The following CTNNBL1 variants were observed in gnomAD, a reference collection of about 807,000 sequenced individuals.
CTNNBL1 encodes catenin beta like 1.
Under a neutral mutation model 72.7 loss-of-function variants are expected in CTNNBL1, and 31 were observed. That is an observed-to-expected ratio of 0.43 (90% confidence interval 0.32 to 0.58). CTNNBL1 has a LOEUF of 0.58. CTNNBL1 is among the 20% of genes least tolerant of loss of function. The pLI, the probability that CTNNBL1 is intolerant of heterozygous loss-of-function variation, is 0.08. For synonymous variants in CTNNBL1, 240 were observed against 267.3 expected, an observed-to-expected ratio of 0.90 and a Z score of 1.00; for missense variants, 534 against 725.1, an observed-to-expected ratio of 0.74 and a Z score of 3.03.
intron 1 of CTNNBL1, among the ~76,000 whole-genome samples, chr20:37,716,749 A>G (rs528774671): frequency 1.1e-4 from 16 of 152,326 alleles, no homozygotes; most frequent in African/African-American, 3.8e-4. Flanking sequence ...AAAGTATGTT[A>G]TATAATCTTG....
intron 4 of CTNNBL1, among the ~76,000 whole-genome samples, chr20:37,754,856 G>A (rs1600466058): frequency 6.6e-6 from 1 of 151,338 alleles, no homozygotes; most frequent in East Asian, 1.9e-4. Context: ...CACCCAGGCT[G>A]GAGTGCAGTG....
chr20:37,851,447 C>T (rs935172703), intron 13 of CTNNBL1, among the ~76,000 whole-genome samples: 7 of 152,134 alleles, frequency 4.6e-5, no homozygotes, highest in African/African-American at 1.4e-4. Context: ...GGTGACCTTA[C>T]ATTTTAATGC....
intron 4 of CTNNBL1, chr20:37,749,869 C>T (rs559315843): frequency 1.3e-4 from 20 of 152,234 alleles, no homozygotes; most frequent in South Asian, 8.3e-4. Context: ...CTTCAGGAAA[C>T]GGTTGTTAAC....
chr20:37,812,529 T>C (rs1269056354), intron 11 of CTNNBL1, among the ~76,000 whole-genome samples: 2 of 152,220 alleles, frequency 1.3e-5, no homozygotes, highest in African/African-American at 4.8e-5. Flanking sequence ...CGTCTTCAAA[T>C]AGGTACCAGA....
Position 37,845,777 on chromosome 20 carries a change from CTTGAA to C in CTNNBL1, c.1392+3365_1392+3369del, listed in dbSNP as rs144906977. On this transcript the variant is annotated intron_variant, in intron 13 of 15. Coordinates refer to ENST00000361383, the MANE Select transcript of CTNNBL1 (RefSeq NM_030877.5). ...TGGGAGCTTAGCAAATATTTGTCGA[CTTGAA>C]TTGAATGCTTATTTTTCAGGCATTT... Among the ~76,000 whole-genome samples, 1,234 of 152,296 alleles carry C rather than the reference CTTGAA, an allele frequency of 8.1e-3. 16 individuals carry two copies. The highest frequency in any genetic ancestry group is 0.028 in the African/African-American group (1,167 of 41,546).
At chr20:37,790,544 C>A (rs977608087) in intron 10 of CTNNBL1, among the ~76,000 whole-genome samples, 1 of 152,174 alleles carries the variant, frequency 6.6e-6, no homozygotes, top group African/African-American at 2.4e-5. Flanking sequence ...ACCATTCTCC[C>A]TTAGATGGAT....
At chr20:37,783,285 TA>T (rs1447909367) in intron 10 of CTNNBL1, among the ~76,000 whole-genome samples, 1 of 152,154 alleles carries the variant, frequency 6.6e-6, no homozygotes, top group Non-Finnish European at 1.5e-5. Context: ...GCTAAAGGTT[TA>T]TTGATTTTGT....
At chr20:37,720,353 G>A (rs1022408767) in intron 1 of CTNNBL1, among the ~76,000 whole-genome samples, 2 of 151,964 alleles carry the variant, frequency 1.3e-5, no homozygotes, top group African/African-American at 4.8e-5. Context: ...TAGACACAGG[G>A]TCTCACCGTT....
intron 11 of CTNNBL1, among the ~76,000 whole-genome samples, chr20:37,821,459 T>C (rs986515742): frequency 6.6e-6 from 1 of 152,234 alleles, no homozygotes; most frequent in Non-Finnish European, 1.5e-5. Context: ...AAATTATATA[T>C]TGAATCCTTA....
intron 3 of CTNNBL1, among the ~76,000 whole-genome samples, chr20:37,737,727 G>A (rs1206223243): frequency 1.3e-5 from 2 of 152,188 alleles, no homozygotes; most frequent in Admixed American, 6.5e-5. Context: ...GTGGCATCTG[G>A]AGAAATTCAG....
intron 3 of CTNNBL1, among the ~76,000 whole-genome samples, 192 bp from the exon 4 acceptor site, chr20:37,746,276 T>C (rs1188222051): frequency 4.6e-5 from 7 of 152,158 alleles, no homozygotes; most frequent in East Asian, 1.9e-4. Context: ...GAATCCAAGA[T>C]TGATTTTTGT....
chr20:37,778,424 C>T (rs915942632), intron 9 of CTNNBL1, among the ~76,000 whole-genome samples: 2 of 152,120 alleles, frequency 1.3e-5, no homozygotes, highest in Non-Finnish European at 2.9e-5. Flanking sequence ...AGTGTCTTGG[C>T]CTCCACCCCA....
At chr20:37,713,380 G>C (rs75760593) in intron 1 of CTNNBL1, among the ~76,000 whole-genome samples, 4,324 of 152,286 alleles carry the variant, frequency 0.028, 117 homozygotes, top group Non-Finnish European at 0.039. Flanking sequence ...CATTAGAGCA[G>C]AATGGAGACT....
chr20:37,799,490 G>A (rs1010974990), intron 10 of CTNNBL1, among the ~76,000 whole-genome samples: 1 of 152,090 alleles, frequency 6.6e-6, no homozygotes, highest in Non-Finnish European at 1.5e-5. Context: ...CTTGCTCTTC[G>A]TTCTCTGCCT....
chr20:37,790,701 A>G (rs1382870156), intron 10 of CTNNBL1, among the ~76,000 whole-genome samples: 2 of 152,222 alleles, frequency 1.3e-5, no homozygotes, highest in Non-Finnish European at 2.9e-5. Flanking sequence ...AATCAAGATT[A>G]CCGGGCAGGA....
chr20:37,699,235 A>T (rs2072819266), intron 1 of CTNNBL1, among the ~76,000 whole-genome samples: 1 of 152,228 alleles, frequency 6.6e-6, no homozygotes, highest in Non-Finnish European at 1.5e-5. Context: ...ACCTTAAGGC[A>T]TCTAGCTAGG....
intron 1 of CTNNBL1, among the ~76,000 whole-genome samples, chr20:37,705,441 C>T (rs940025657): frequency 1.3e-5 from 2 of 152,164 alleles, no homozygotes; most frequent in East Asian, 1.9e-4. Context: ...ACTAACAACA[C>T]GCATGCTACA....
intron 6 of CTNNBL1, among the ~76,000 whole-genome samples, chr20:37,767,162 G>A (rs546061147): frequency 6.6e-6 from 1 of 152,198 alleles, no homozygotes; most frequent in South Asian, 2.1e-4. Context: ...ACACAGAAGT[G>A]TATCTGTTTC....
chr20:37,840,160 C>T lies in CTNNBL1; in HGVS notation c.1272C>T (p.Thr424=), dbSNP rs769195360. 9 of 1,613,810 alleles carry T rather than the reference C, an allele frequency of 5.6e-6. No homozygotes were observed. The highest frequency in any genetic ancestry group is 7.6e-6 in the Non-Finnish European group (9 of 1,179,852). The change falls in exon 12 of 16, where the codon ACC becomes ACT. Residue 424 remains threonine (T), a synonymous_variant. Coordinates refer to ENST00000361383, the MANE Select transcript of CTNNBL1 (RefSeq NM_030877.5). The part of the protein sequence containing the change: ...LLRNLRGQQR[T]RLLNKFTEND... ...GGAACCTGAGAGGGCAGCAGCGGAC[C>T]CGGCTTCTGAATAAATTCACTGAAA... is the stretch of plus-strand genomic sequence containing the variant.
Sources: allele counts gnomAD v4.1 joint callset (sites outside exome capture counted in the v4.1 genomes callset), GRCh38; gene constraint gnomAD v4.1.1; transcripts MANE v1.5; gene names NCBI Gene and HGNC (gene_info 2026-07-23, HGNC 2026-07-21).